The following JAKMIP3 variants were observed in gnomAD, a reference collection of about 807,000 sequenced individuals.
The protein encoded by JAKMIP3 is Janus kinase and microtubule interacting protein 3, also known as janus kinase and microtubule-interacting protein 3.
JAKMIP3 carries 58 observed loss-of-function variants against 118.5 expected under a neutral mutation model. That is an observed-to-expected ratio of 0.49 (90% CI 0.40 to 0.61). JAKMIP3 has a LOEUF of 0.61. Ranked by LOEUF, JAKMIP3 falls within the 20% of genes least tolerant of loss-of-function variation. JAKMIP3 has a pLI of 0.00. For synonymous variants in JAKMIP3, 486 were observed against 451.2 expected, an observed-to-expected ratio of 1.08 and a Z score of -0.98; for missense variants, 950 against 1,109.0, an observed-to-expected ratio of 0.86 and a Z score of 2.04.
At chr10:132,159,669 GGGTCCTCTCCCT>G (rs2057720195) in intron 19 of JAKMIP3, among the ~76,000 whole-genome samples, 1 of 122,158 alleles carries the variant, frequency 8.2e-6, no homozygotes, top group Non-Finnish European at 1.7e-5. Context: ...TGATGCTGGG[GGGTCCTCTCCCT>G]ATGTGATGCT....
chr10:132,164,750 G>T lies in JAKMIP3; in HGVS notation c.2490+15G>T. 1 of 1,575,592 alleles carries T rather than the reference G, an allele frequency of 6.3e-7. No homozygotes were observed. The highest frequency in any genetic ancestry group is 8.7e-7 in the Non-Finnish European group (1 of 1,145,366). On this transcript the variant is annotated intron_variant, in intron 21 of 23. Coordinates refer to ENST00000684848, the MANE Select transcript of JAKMIP3 (RefSeq NM_001323087.2). The stretch of plus-strand genomic sequence containing the variant: ...TGGAGGAAAAGGTAAAACAAATGCA[G>T]TTTTGGGGGTTGCTTGTTAAGATCA...
intron 16 of JAKMIP3, among the ~76,000 whole-genome samples, chr10:132,150,498 C>T (rs1159420067): frequency 6.6e-6 from 1 of 152,100 alleles, no homozygotes; most frequent in East Asian, 1.9e-4. Flanking sequence ...CAAAATAATG[C>T]ACCTCTTCAT....
chr10:132,104,786 C>T lies in JAKMIP3; in HGVS notation c.-23C>T, dbSNP rs1191267754. The T allele has an allele frequency of 6.5e-7, 1 of 1,546,120 alleles. No individual in the cohort carries two copies. The highest frequency in any genetic ancestry group is 2.5e-5 in the East Asian group (1 of 40,804). On this transcript the variant is annotated 5_prime_UTR_variant, in exon 2 of 24. Transcript: ENST00000684848. The stretch of plus-strand genomic sequence containing the variant: ...GCCGGAGCACCCTACCCCTGGGCAT[C>T]CCCCTGGCCATCCAGCCTCACCATG...
intron 1 of JAKMIP3, among the ~76,000 whole-genome samples, chr10:132,088,296 G>A (rs10870241): frequency 0.64 from 97,729 of 152,014 alleles, 32,792 homozygotes; most frequent in African/African-American, 0.82. Context: ...GATTTCCACA[G>A]TGGTTGAACT....
chr10:132,122,176 G>GCCC (rs1213291022), intron 3 of JAKMIP3, among the ~76,000 whole-genome samples: 1 of 152,120 alleles, frequency 6.6e-6, no homozygotes, highest in Non-Finnish European at 1.5e-5. Context: ...GGCCTCCCCA[G>GCCC]CCCCCCTGGT....
At chr10:132,057,443 C>T (rs2038267075) in intron 1 of JAKMIP3, among the ~76,000 whole-genome samples, 1 of 152,226 alleles carries the variant, frequency 6.6e-6, no homozygotes, top group Admixed American at 6.5e-5. Flanking sequence ...ACTGCCTTGC[C>T]ACTGTATCGC....
intron 1 of JAKMIP3, among the ~76,000 whole-genome samples, chr10:132,053,643 C>T (rs938998804): frequency 3.1e-4 from 47 of 152,198 alleles, no homozygotes; most frequent in African/African-American, 1.1e-3. Context: ...TCTGACCTCA[C>T]CTCGCTTGCC....
intron 21 of JAKMIP3, among the ~76,000 whole-genome samples, chr10:132,166,720 G>A (rs1191047049): frequency 6.6e-6 from 1 of 152,198 alleles, no homozygotes; most frequent in Non-Finnish European, 1.5e-5. Flanking sequence ...CACGCTGGGT[G>A]TGGGGCCCCT....
chr10:132,132,612 C>G (rs2050852838), intron 3 of JAKMIP3, among the ~76,000 whole-genome samples: 1 of 152,252 alleles, frequency 6.6e-6, no homozygotes, highest in Non-Finnish European at 1.5e-5. Flanking sequence ...ATCCTGCACA[C>G]CCCTGGGCTG....
At chr10:132,155,737 G>A (rs1416651037) in intron 19 of JAKMIP3, among the ~76,000 whole-genome samples, 9 of 152,216 alleles carry the variant, frequency 5.9e-5, no homozygotes, top group Non-Finnish European at 1.2e-4. Flanking sequence ...TATGGTTAGT[G>A]TCACTATTGC....
chr10:132,093,259 A>G (rs1052214756), intron 1 of JAKMIP3, among the ~76,000 whole-genome samples: 3 of 152,134 alleles, frequency 2.0e-5, no homozygotes, highest in Non-Finnish European at 4.4e-5. Flanking sequence ...TCAGATTTCA[A>G]ACTCCATGCT....
chr10:132,096,948 C>T (rs2043951818), intron 1 of JAKMIP3, among the ~76,000 whole-genome samples: 1 of 152,180 alleles, frequency 6.6e-6, no homozygotes, highest in Admixed American at 6.5e-5. Flanking sequence ...TTCCTCCAGC[C>T]ACAGAACCAG....
At chr10:132,152,791 T>C (rs1007247177) in intron 16 of JAKMIP3, among the ~76,000 whole-genome samples, 167 bp from the exon 17 acceptor site, 1 of 152,080 alleles carries the variant, frequency 6.6e-6, no homozygotes, top group African/African-American at 2.4e-5. Flanking sequence ...GTCAAGGGTG[T>C]CAGAGATGCT....
chr10:132,117,295 A>C lies in JAKMIP3; in HGVS notation c.354A>C (p.Ala118=), dbSNP rs931724496. ...ACAACGAGAACCAGCGGCTGCAGGC[A>C]CTGCTCAGTGCCCTGCGTGATGGCG... is the stretch of plus-strand genomic sequence containing the variant. ...IKDNENQRLQ[A]LLSALRDGGP... Residue 118 remains alanine (A), a synonymous_variant, in exon 3 of 24, where the codon GCA becomes GCC. Coordinates refer to ENST00000684848, the MANE Select transcript of JAKMIP3 (RefSeq NM_001323087.2). The surrounding 1 kb of genome is among the most constrained non-coding windows in gnomAD (Gnocchi z 8.6). The C allele has an allele frequency of 1.2e-6, 2 of 1,613,980 alleles. No homozygotes were observed. The highest frequency in any genetic ancestry group is 2.2e-5 in the East Asian group (1 of 44,882).
intron 1 of JAKMIP3, among the ~76,000 whole-genome samples, chr10:132,093,781 C>A (rs1405923485): frequency 6.6e-6 from 1 of 152,138 alleles, no homozygotes; most frequent in Non-Finnish European, 1.5e-5. Context: ...TGAGATGAAC[C>A]CAGTACCTCA....
intron 1 of JAKMIP3, among the ~76,000 whole-genome samples, chr10:132,093,931 A>ATTTTTT (rs35838926): frequency 1.1e-4 from 11 of 103,618 alleles, no homozygotes; most frequent in Non-Finnish European, 1.5e-4. Context: ...TCTTGTATCT[A>ATTTTTT]TTTTTTTTTT....
chr10:132,095,216 C>T (rs1198705812), intron 1 of JAKMIP3, among the ~76,000 whole-genome samples: 2 of 152,196 alleles, frequency 1.3e-5, no homozygotes, highest in African/African-American at 2.4e-5. Flanking sequence ...ACTGGATTCA[C>T]ACCCTCCCCC....
rs1033440217 is a variant in JAKMIP3, at chr10:132,183,905, A to G, written c.*2652A>G. The G allele has an allele frequency of 6.6e-6, 1 of 152,204 alleles. No individual in the cohort carries two copies. Among genetic ancestry groups the G allele is most frequent in the Non-Finnish European group, 1.5e-5 (1 of 68,044 alleles). 9.4% of individuals were successfully genotyped at this position (152,204 alleles called of 1,614,324 possible). Reference sequence around the variant, plus strand: ...GGTGCATTTCTAAATTGCAGGCTATACCTTCTTTTCCAAACCAATGGGCTA... The same window carrying G: ...GGTGCATTTCTAAATTGCAGGCTATGCCTTCTTTTCCAAACCAATGGGCTA... On this transcript the variant is annotated 3_prime_UTR_variant, in exon 24 of 24. Transcript: ENST00000684848.
intron 3 of JAKMIP3, among the ~76,000 whole-genome samples, chr10:132,126,958 A>G (rs2049685802): frequency 6.6e-6 from 1 of 152,134 alleles, no homozygotes; most frequent in Non-Finnish European, 1.5e-5. Flanking sequence ...TCATAAAATG[A>G]TTTTGGAACT....
Sources: gnomAD v4.1 joint callset for allele counts (sites outside exome capture counted in the v4.1 genomes callset) on GRCh38, gnomAD v4.1.1 for gene constraint, Gnocchi (gnomAD v3.1) non-coding constraint, MANE v1.5 for transcripts, NCBI Gene and HGNC (gene_info 2026-07-23, HGNC 2026-07-21) for gene names.